Variants in BCL6 observed in about 807,000 individuals in gnomAD.
BCL6 encodes the protein B-cell lymphoma 6 protein.
In BCL6, 7 loss-of-function variants were observed where a neutral mutation model predicts 59.5. The observed-to-expected ratio is 0.12, with a 90% confidence interval of 0.07 to 0.22. The LOEUF is 0.22. Among genes scored for constraint, BCL6 ranks in the 10% least tolerant of loss-of-function variants. The pLI is 1.00. For synonymous variants in BCL6, 339 were observed against 349.7 expected (o/e 0.97, Z 0.34); for missense variants, 685 against 939.4 (o/e 0.73, Z 3.54).
chr3:187,744,377 A>T (rs1711773441), intron 1 of BCL6, among the ~76,000 whole-genome samples: 1 of 146,012 alleles, frequency 6.8e-6, no homozygotes, highest in Non-Finnish European at 1.5e-5. Context: ...CGGGATGAGC[A>T]GGGAGAGCGC....
At position 187,725,502 on chromosome 3, in the gene BCL6, T is replaced by C. The variant is rs2108557523; in HGVS notation, c.1836A>G (p.Val612=). 1.2e-6 allele frequency: 2 copies of C among 1,613,878 alleles called. No individual in the cohort carries two copies. Among genetic ancestry groups the C allele is most frequent in the Non-Finnish European group, 1.7e-6 (2 of 1,179,946 alleles). Residue 612 remains valine, a synonymous_variant, in exon 8 of 10, where the codon GTA becomes GTG. Coordinates refer to ENST00000406870, the MANE Select transcript of BCL6 (RefSeq NM_001706.5). The surrounding 1 kb of genome is among the most constrained non-coding windows in gnomAD (Gnocchi z 4.7). ...YKCETCGARF[V]QVAHLRAHVL... ...CTCGCCTGCCCACTCTGCTCACCTG[T>C]ACAAATCTGGCTCCGCAGGTTTCGC...
In BCL6 at chr3:187,724,980, C is replaced by T. The variant is rs1009862724; in HGVS notation, c.1938G>A (p.Lys646=). The T allele has an allele frequency of 6.2e-7, 1 of 1,614,206 alleles. No homozygotes were observed. Residue 646 remains lysine (K), a synonymous_variant, in exon 9 of 10, where the codon AAG becomes AAA. Coordinates refer to ENST00000406870, the MANE Select transcript of BCL6 (RefSeq NM_001706.5). ...GTRFRHLQTL[K]SHLRIHTGEK... ...CTCCTGTGTGGATTCGCAGGTGGCT[C>T]TTCAGAGTCTGAAGGTGCCGGAAAC...
At chr3:187,743,662 G>C (rs2108482138) in intron 1 of BCL6, among the ~76,000 whole-genome samples, 1 of 152,226 alleles carries the variant, frequency 6.6e-6, no homozygotes, top group East Asian at 1.9e-4. Context: ...GCAACCCACA[G>C]TTCTCAAGAC....
chr3:187,744,194 C>T (rs546723797), intron 1 of BCL6, among the ~76,000 whole-genome samples: 25 of 152,260 alleles, frequency 1.6e-4, no homozygotes, highest in African/African-American at 5.8e-4. Context: ...TCACGCAGCG[C>T]CCAAAATACA....
At chr3:187,743,706 G>A (rs1245487622) in intron 1 of BCL6, among the ~76,000 whole-genome samples, 3 of 151,936 alleles carry the variant, frequency 2.0e-5, no homozygotes, top group Non-Finnish European at 4.4e-5. Flanking sequence ...GCAGCGGGGT[G>A]GCCCCTAGCT....
At chr3:187,722,673 A>G (rs1718481801) in intron 9 of BCL6, 72 bp from the exon 10 acceptor site, 1 of 1,557,972 alleles carries the variant, frequency 6.4e-7, no homozygotes, top group African/African-American at 1.4e-5. Context: ...AAAGACCCAG[A>G]GAGGAAGATT....
intron 1 of BCL6, among the ~76,000 whole-genome samples, 175 bp downstream of exon 1, chr3:187,745,235 T>C (rs531082043): frequency 6.6e-5 from 10 of 152,180 alleles, no homozygotes; most frequent in East Asian, 3.9e-4. Flanking sequence ...TATACATTTA[T>C]ATCAATAGAT....
Position 187,725,627 on chromosome 3 carries a change from C to T in BCL6, c.1711G>A (p.Glu571Lys), listed in dbSNP as rs2108557823. 6.2e-7 allele frequency: 1 copy of T among 1,614,162 alleles called. No homozygotes were observed. The highest frequency in any genetic ancestry group is 8.5e-7 in the Non-Finnish European group (1 of 1,180,032). ...LASHKTVHTG[E>K]KPYRCNICGA... ...CAGATGTTGCAACGATAGGGTTTCT[C>T]ACCTATTACCAAGAAAAAGGGAAAA... Residue 571 changes from glutamate to lysine, a missense_variant and splice_region_variant, in exon 8 of 10, where the codon GAG becomes AAG. Around this residue, in one of 7 missense-constraint regions of BCL6, gnomAD observed 42 missense variants for 101.7 expected, o/e 0.41. Transcript: ENST00000406870. The surrounding 1 kb of genome is among the most constrained non-coding windows in gnomAD (Gnocchi z 4.7).
intron 1 of BCL6, among the ~76,000 whole-genome samples, chr3:187,745,041 A>C (rs1576886170): frequency 1.4e-5 from 2 of 145,608 alleles, no homozygotes; most frequent in East Asian, 2.0e-4. Flanking sequence ...CCTCTCCTCC[A>C]CCTCCTTTCC....
At chr3:187,743,510 A>G (rs1579830350) in intron 1 of BCL6, among the ~76,000 whole-genome samples, 3 of 152,142 alleles carry the variant, frequency 2.0e-5, no homozygotes, top group Admixed American at 1.3e-4. Flanking sequence ...AGGGAACACA[A>G]CACAGAGGGT....
chr3:187,722,304 G>GGCCCCACCCCCCC lies in BCL6; in HGVS notation c.*153_*154insGGGGGGGTGGGGC. ...GCTGCTGCGGCTCCCAGTCCCCCAGGCCCCGACCCCCACCACCCCCAACCC... is the reference window on the plus strand; with the variant it reads ...GCTGCTGCGGCTCCCAGTCCCCCAGGGCCCCACCCCCCCCCCCGACCCCCACCACCCCCAACCC... On this transcript the variant is annotated 3_prime_UTR_variant, in exon 10 of 10. Coordinates refer to ENST00000406870, the MANE Select transcript of BCL6 (RefSeq NM_001706.5). 2 of 309,310 alleles carry GGCCCCACCCCCCC rather than the reference G, an allele frequency of 6.5e-6. No individual in the cohort carries two copies. Among genetic ancestry groups the GGCCCCACCCCCCC allele is most frequent in the East Asian group, 5.6e-5 (1 of 17,942 alleles). The allele number at this position is 309,310 out of a possible 1,614,324, so 19.2% of individuals were successfully genotyped here. A position where few individuals can be genotyped will look rare whatever the true frequency, so the allele number is the denominator to read the frequency against.
intron 1 of BCL6, among the ~76,000 whole-genome samples, chr3:187,743,315 C>G (rs945035726): frequency 1.3e-5 from 2 of 151,342 alleles, no homozygotes; most frequent in African/African-American, 4.9e-5. Context: ...AAGATTAAAT[C>G]CTGGCGGGTT....
chr3:187,738,448 C>CT (rs752115594), intron 1 of BCL6, among the ~76,000 whole-genome samples: 55 of 152,160 alleles, frequency 3.6e-4, no homozygotes, highest in Non-Finnish European at 5.6e-4. Flanking sequence ...GTCTTTAGAA[C>CT]AGGAGCTGCC....
At chr3:187,738,114 G>A (rs1719377420) in intron 1 of BCL6, among the ~76,000 whole-genome samples, 1 of 152,132 alleles carries the variant, frequency 6.6e-6, no homozygotes, top group South Asian at 2.1e-4. Flanking sequence ...GTTTATAAAT[G>A]GGGAAGGTCA....
intron 6 of BCL6, 146 bp downstream of exon 6, chr3:187,728,213 AC>A (rs1332311573): frequency 1.2e-6 from 1 of 848,840 alleles, no homozygotes; most frequent in African/African-American, 1.8e-5. Context: ...CGTGGGATGA[AC>A]GGCTGGTGAC....
intron 1 of BCL6, among the ~76,000 whole-genome samples, chr3:187,743,289 A>G (rs1711681497): frequency 6.6e-6 from 1 of 151,020 alleles, no homozygotes; most frequent in Admixed American, 6.6e-5. Flanking sequence ...CTATAAACTG[A>G]AAAAAAAATC....
At chr3:187,728,262 A>T in intron 6 of BCL6, 98 bp downstream of exon 6, 1 of 1,263,320 alleles carries the variant, frequency 7.9e-7, no homozygotes. Context: ...GGACTGCTCC[A>T]ATCAGAGACA....
intron 6 of BCL6, among the ~76,000 whole-genome samples, chr3:187,728,028 T>C (rs1027870918): frequency 1.3e-5 from 2 of 152,146 alleles, no homozygotes; most frequent in South Asian, 2.1e-4. Flanking sequence ...CACAGGTCAG[T>C]CCTAGTCATT....
Position 187,722,357 on chromosome 3 carries a change from A to G in BCL6, c.*101T>C. The G allele has an allele frequency of 1.6e-5, 16 of 1,026,036 alleles. No homozygotes were observed. The highest frequency in any genetic ancestry group is 2.0e-5 in the Non-Finnish European group (16 of 799,630). The allele number at this position is 1,026,036 out of a possible 1,614,324, so 63.6% of individuals were successfully genotyped here. A position where few individuals can be genotyped will look rare whatever the true frequency, so the allele number is the denominator to read the frequency against. On this transcript the variant is annotated 3_prime_UTR_variant, in exon 10 of 10. Coordinates refer to ENST00000406870, the MANE Select transcript of BCL6 (RefSeq NM_001706.5). ...AGCTATGATTTGCACTAGTGGATGA[A>G]AGAGGCACTACATCATGGGATGAAC...
Sources: gnomAD v4.1 joint callset for allele counts (sites outside exome capture counted in the v4.1 genomes callset) on GRCh38, gnomAD v4.1.1 for gene constraint, gnomAD v4.1.1 regional missense constraint, Gnocchi (gnomAD v3.1) non-coding constraint, MANE v1.5 for transcripts, NCBI Gene and HGNC (gene_info 2026-07-23, HGNC 2026-07-21) for gene names.